Variants in OSTN observed in about 807,000 individuals in gnomAD.
OSTN encodes the protein osteocrin.
Under a neutral mutation model 12.0 loss-of-function variants are expected in OSTN, and 9 were observed. The observed-to-expected ratio is 0.75, with a 90% CI of 0.45 to 1.30. The LOEUF (loss-of-function observed/expected upper bound fraction) is 1.30. OSTN is among the 50% of genes most tolerant of loss of function. The pLI, the probability that OSTN is intolerant of heterozygous loss-of-function variation, is 0.00. For synonymous variants in OSTN, 59 were observed against 56.9 expected (o/e 1.04, Z -0.16); for missense variants, 148 against 152.3 (o/e 0.97, Z 0.15).
intron 3 of OSTN, among the ~76,000 whole-genome samples, chr3:191,232,221 C>T (rs1252948804): frequency 6.7e-6 from 1 of 150,078 alleles, no homozygotes; most frequent in Admixed American, 6.7e-5. Flanking sequence ...ATCCCAGCTA[C>T]TCGGGAGGCT....
intron 3 of OSTN, among the ~76,000 whole-genome samples, chr3:191,223,452 T>C (rs1714821212): frequency 6.6e-6 from 1 of 152,230 alleles, no homozygotes; most frequent in Non-Finnish European, 1.5e-5. Context: ...TGTGTTATAG[T>C]ACACGGTTTG....
At chr3:191,213,366 G>A (rs1028501707) in intron 2 of OSTN, 51 of 152,232 alleles carry the variant, frequency 3.4e-4, no homozygotes, top group African/African-American at 1.2e-3. Flanking sequence ...CAGTAATCAC[G>A]ATCTTCTCCT....
Position 191,258,547 on chromosome 3 carries a change from G to A in OSTN, c.*13-4319G>A, listed in dbSNP as rs1305477288. Reference sequence around the variant, plus strand: ...AAGAGAAACACCAAATGCACGCGGGGTTTAAAACCTAGATGACGGGTTGAT... The same window carrying A: ...AAGAGAAACACCAAATGCACGCGGGATTTAAAACCTAGATGACGGGTTGAT... On this transcript the variant is annotated intron_variant, in intron 4 of 4. Transcript: ENST00000682035. Among the ~76,000 whole-genome samples, 3 of 151,756 alleles carry A rather than the reference G, an allele frequency of 2.0e-5. No homozygotes were observed. The East Asian group carries it at 5.8e-4, about 29-fold the overall frequency.
intron 4 of OSTN, among the ~76,000 whole-genome samples, chr3:191,255,286 G>A (rs1715646042): frequency 6.6e-6 from 1 of 152,202 alleles, no homozygotes; most frequent in Non-Finnish European, 1.5e-5. Flanking sequence ...CTGCTGTGTG[G>A]CTCAGTTCCT....
chr3:191,261,722 C>T (rs1356863387), intron 4 of OSTN, among the ~76,000 whole-genome samples: 1 of 152,170 alleles, frequency 6.6e-6, no homozygotes, highest in Non-Finnish European at 1.5e-5. Context: ...TTTGAAAGGA[C>T]GATAATTTGC....
chr3:191,261,755 AATC>A (rs1715815055), intron 4 of OSTN, among the ~76,000 whole-genome samples: 1 of 152,246 alleles, frequency 6.6e-6, no homozygotes, highest in African/African-American at 2.4e-5. Context: ...GGCTTTCTGA[AATC>A]ATTAATATAT....
At chr3:191,229,158 T>C (rs1576930434) in intron 3 of OSTN, among the ~76,000 whole-genome samples, 1 of 152,296 alleles carries the variant, frequency 6.6e-6, no homozygotes, top group African/African-American at 2.4e-5. Context: ...GTTTCTTCCA[T>C]AAATAAATTA....
intron 2 of OSTN, among the ~76,000 whole-genome samples, chr3:191,217,644 T>G (rs1236486526): frequency 6.6e-6 from 1 of 152,200 alleles, no homozygotes; most frequent in African/African-American, 2.4e-5. Context: ...TGGACAGCTA[T>G]ACATTTATGA....
intron 3 of OSTN, among the ~76,000 whole-genome samples, chr3:191,235,051 C>CTGGAG (rs1715155310): frequency 6.6e-6 from 1 of 152,072 alleles, no homozygotes; most frequent in African/African-American, 2.4e-5. Context: ...TGTTATTATA[C>CTGGAG]CACCTAATTG....
At chr3:191,201,892 GTAAC>G (rs1714159782) in intron 1 of OSTN, among the ~76,000 whole-genome samples, 1 of 152,154 alleles carries the variant, frequency 6.6e-6, no homozygotes, top group Non-Finnish European at 1.5e-5. Context: ...TATTTATTGA[GTAAC>G]TAATTTATGC....
intron 1 of OSTN, among the ~76,000 whole-genome samples, chr3:191,201,666 T>C (rs1291501438): frequency 6.6e-6 from 1 of 152,200 alleles, no homozygotes; most frequent in Non-Finnish European, 1.5e-5. Context: ...GAGTGATTTC[T>C]ATTTATAACT....
chr3:191,254,248 G>T (rs1341114327), intron 4 of OSTN, among the ~76,000 whole-genome samples: 1 of 152,244 alleles, frequency 6.6e-6, no homozygotes, highest in Non-Finnish European at 1.5e-5. Context: ...GTCTAGAGCA[G>T]TCTATAGACT....
At chr3:191,233,128 A>G (rs889606676) in intron 3 of OSTN, among the ~76,000 whole-genome samples, 3 of 152,206 alleles carry the variant, frequency 2.0e-5, no homozygotes, top group African/African-American at 4.8e-5. Context: ...GTCCACCAGG[A>G]GATGGAAACA....
chr3:191,226,420 T>C (rs1449396266), intron 3 of OSTN, among the ~76,000 whole-genome samples: 1 of 152,216 alleles, frequency 6.6e-6, no homozygotes, highest in Admixed American at 6.5e-5. Context: ...TGTGTGTTTG[T>C]ATTTTAGCCC....
chr3:191,253,613 G>C (rs1172114320), intron 4 of OSTN, among the ~76,000 whole-genome samples: 1 of 152,214 alleles, frequency 6.6e-6, no homozygotes, highest in African/African-American at 2.4e-5. Flanking sequence ...GAGAATGGAA[G>C]AGGCTTGGCT....
chr3:191,257,767 ATCTT>A (rs914870113), intron 4 of OSTN, among the ~76,000 whole-genome samples: 3 of 151,704 alleles, frequency 2.0e-5, no homozygotes, highest in Admixed American at 1.3e-4. Context: ...TTTTAAAACT[ATCTT>A]TATTTCTCAA....
intron 3 of OSTN, among the ~76,000 whole-genome samples, chr3:191,222,497 T>A (rs572962350): frequency 6.6e-6 from 1 of 152,260 alleles, no homozygotes; most frequent in African/African-American, 2.4e-5. Context: ...CCAATGCCTG[T>A]CCCCCCACAT....
At chr3:191,229,338 T>G (rs1714991603) in intron 3 of OSTN, among the ~76,000 whole-genome samples, 1 of 152,202 alleles carries the variant, frequency 6.6e-6, no homozygotes, top group Admixed American at 6.5e-5. Flanking sequence ...AGTAACTATT[T>G]GATGATGTTA....
chr3:191,246,875 CT>C (rs1291117167), intron 3 of OSTN, among the ~76,000 whole-genome samples: 2 of 152,162 alleles, frequency 1.3e-5, no homozygotes, highest in East Asian at 3.9e-4. Flanking sequence ...GATTGCTGTT[CT>C]CTGACTCACT....
Sources: allele counts gnomAD v4.1 joint callset (sites outside exome capture counted in the v4.1 genomes callset), GRCh38; gene constraint gnomAD v4.1.1; transcripts MANE v1.5; gene names NCBI Gene and HGNC (gene_info 2026-07-23, HGNC 2026-07-21).